The following PCDH11X variants were observed in gnomAD, a reference collection of about 807,000 sequenced individuals.
The protein encoded by PCDH11X is protocadherin-11 X-linked.
PCDH11X carries 18 observed loss-of-function variants against 53.3 expected under a neutral mutation model. The observed-to-expected ratio is 0.34, with a 90% CI of 0.23 to 0.50. The LOEUF (loss-of-function observed/expected upper bound fraction) is 0.50. Among genes scored for constraint, PCDH11X ranks in the 20% least tolerant of loss-of-function variants. The pLI, the probability that PCDH11X is intolerant of heterozygous loss-of-function variation, is 0.98. For synonymous variants in PCDH11X, 279 were observed against 393.3 expected, an observed-to-expected ratio of 0.71 and a Z score of 3.44; for missense variants, 570 against 1,032.4, an observed-to-expected ratio of 0.55 and a Z score of 6.14.
intron 6 of PCDH11X, among the ~76,000 whole-genome samples, chrX:91,969,311 T>C (rs943361196): frequency 6.3e-5 from 7 of 111,128 alleles, no homozygotes; most frequent in Non-Finnish European, 9.4e-5. Flanking sequence ...CACAGCAACT[T>C]TTCTTGTACC....
intron 10 of PCDH11X, among the ~76,000 whole-genome samples, chrX:92,496,551 T>C (rs1412578309): frequency 9.7e-6 from 1 of 102,626 alleles, no homozygotes; most frequent in Admixed American, 1.0e-4. Context: ...GAGATGTATA[T>C]CCTTTGACTT....
At chrX:92,337,411 A>T (rs1356657331) in intron 8 of PCDH11X, among the ~76,000 whole-genome samples, 2 of 108,635 alleles carry the variant, frequency 1.8e-5, no homozygotes, top group Non-Finnish European at 3.8e-5. Flanking sequence ...TTTCAGAGAA[A>T]GCACTACATT....
chrX:92,091,713 G>A (rs778186173), intron 6 of PCDH11X, among the ~76,000 whole-genome samples: 52 of 111,703 alleles, frequency 4.7e-4, no homozygotes, highest in African/African-American at 1.6e-3. Flanking sequence ...TTTATCTGAA[G>A]GCCTGGGATC....
At chrX:92,241,523 T>A (rs2067261853) in intron 7 of PCDH11X, among the ~76,000 whole-genome samples, 1 of 112,214 alleles carries the variant, frequency 8.9e-6, no homozygotes, top group Non-Finnish European at 1.9e-5. Context: ...ATTATTTTAT[T>A]TTCCACTTTT....
intron 10 of PCDH11X, among the ~76,000 whole-genome samples, chrX:92,560,311 T>C (rs1281599619): frequency 2.7e-5 from 3 of 111,761 alleles, no homozygotes; most frequent in South Asian, 3.8e-4. Flanking sequence ...CAGTGACTCA[T>C]GTAGTGTTCC....
intron 10 of PCDH11X, among the ~76,000 whole-genome samples, chrX:92,546,433 T>C (rs1272180517): frequency 9.0e-6 from 1 of 111,375 alleles, no homozygotes; most frequent in Non-Finnish European, 1.9e-5. Context: ...AATTCTTATC[T>C]CTCTGTATAT....
intron 6 of PCDH11X, among the ~76,000 whole-genome samples, chrX:92,087,130 T>C (rs149437439): frequency 0.025 from 2,770 of 110,235 alleles, 34 homozygotes; most frequent in Non-Finnish European, 0.038. Flanking sequence ...GTTTCCCTCT[T>C]GTTGTCCAAG....
At chrX:92,088,795 T>A (rs1399444110) in intron 6 of PCDH11X, among the ~76,000 whole-genome samples, 2 of 111,679 alleles carry the variant, frequency 1.8e-5, no homozygotes, top group Non-Finnish European at 3.8e-5. Context: ...ATTTATTGTT[T>A]GGCATATCCA....
chrX:92,146,797 G>A (rs1476156254), intron 6 of PCDH11X, among the ~76,000 whole-genome samples: 2 of 110,567 alleles, frequency 1.8e-5, no homozygotes, highest in African/African-American at 3.3e-5. Context: ...TCAGGAGTTC[G>A]AGACCAGCCT....
intron 9 of PCDH11X, among the ~76,000 whole-genome samples, chrX:92,435,770 A>C (rs1378130589): frequency 9.0e-6 from 1 of 111,669 alleles, no homozygotes; most frequent in Non-Finnish European, 1.9e-5. Context: ...GACCTGTCTT[A>C]TAAGAGATCT....
At position 92,107,912 on chromosome X, in the gene PCDH11X, A is replaced by G. The variant is rs1182334704; in HGVS notation, c.3034-93463A>G. Reference sequence around the variant, plus strand: ...TTTCATCGACAATATGCCAATATGTATAGGAAATCACTAGTCAAATTAATT... The same window carrying G: ...TTTCATCGACAATATGCCAATATGTGTAGGAAATCACTAGTCAAATTAATT... On this transcript the variant is annotated intron_variant, in intron 6 of 10. Coordinates refer to ENST00000682573, the MANE Select transcript of PCDH11X (RefSeq NM_032968.5). Among the ~76,000 whole-genome samples the G allele has an allele frequency of 2.7e-5, 3 of 112,080 alleles. No homozygotes were observed. In the Admixed American group the frequency reaches 2.8e-4, roughly 11 times the overall value.
intron 1 of PCDH11X, among the ~76,000 whole-genome samples, chrX:91,781,423 G>T (rs1935139347): frequency 8.9e-6 from 1 of 112,380 alleles, no homozygotes; most frequent in Non-Finnish European, 1.9e-5. Context: ...AATTCCGAAC[G>T]CTGAGCACAC....
chrX:92,539,295 T>C, intron 10 of PCDH11X, among the ~76,000 whole-genome samples: 1 of 111,320 alleles, frequency 9.0e-6, no homozygotes, highest in South Asian at 3.8e-4. Context: ...CTTTATTCTT[T>C]TTAATTTTGT....
intron 6 of PCDH11X, among the ~76,000 whole-genome samples, chrX:92,133,006 T>C (rs1028452296): frequency 3.6e-5 from 4 of 110,786 alleles, no homozygotes; most frequent in Admixed American, 2.9e-4. Flanking sequence ...TCATGACTAG[T>C]CTTTTTAAGA....
intron 9 of PCDH11X, among the ~76,000 whole-genome samples, chrX:92,411,291 G>C (rs1367614363): frequency 7.2e-5 from 8 of 110,833 alleles, no homozygotes; most frequent in Non-Finnish European, 9.4e-5. Context: ...TTAAGCCCTG[G>C]GATACCTATG....
chrX:92,493,749 C>T (rs2073810079), intron 10 of PCDH11X, among the ~76,000 whole-genome samples: 1 of 102,696 alleles, frequency 9.7e-6, no homozygotes, highest in African/African-American at 3.6e-5. Flanking sequence ...CAGGTTCAAG[C>T]AATTCTCCTG....
At chrX:92,180,973 A>T (rs546016900) in intron 6 of PCDH11X, among the ~76,000 whole-genome samples, 2 of 110,548 alleles carry the variant, frequency 1.8e-5, no homozygotes, top group African/African-American at 6.6e-5. Context: ...CTGAAAAGAT[A>T]CCAAAAAATG....
rs35446444 is a variant in PCDH11X at position 92,303,567 on chromosome X, C to T, written c.3144+40424C>T. 4.5e-5 allele frequency among the ~76,000 whole-genome samples: 5 copies of T among 111,234 alleles called. No homozygotes were observed. In the South Asian group the frequency reaches 1.5e-3, roughly 34 times the overall value. Reference sequence around the variant, plus strand: ...TAAAGAAACACTATCTGACAAAAAACTGCTTATATATAATGTAAAGAAACA... The same window carrying T: ...TAAAGAAACACTATCTGACAAAAAATTGCTTATATATAATGTAAAGAAACA... On this transcript the variant is annotated intron_variant, in intron 8 of 10. Transcript: ENST00000682573.
chrX:92,132,178 G>A (rs1270126511), intron 6 of PCDH11X, among the ~76,000 whole-genome samples: 50 of 98,642 alleles, frequency 5.1e-4, no homozygotes, highest in Non-Finnish European at 8.7e-4. Flanking sequence ...CCAGCTACTC[G>A]GGAGGCTGAG....
Sources: gnomAD v4.1 joint callset for allele counts (sites outside exome capture counted in the v4.1 genomes callset) on GRCh38, gnomAD v4.1.1 for gene constraint, MANE v1.5 for transcripts, NCBI Gene and HGNC (gene_info 2026-07-23, HGNC 2026-07-21) for gene names.